Variants in RASEF observed in about 807,000 individuals in gnomAD.
The protein encoded by RASEF is ras and EF-hand domain-containing protein.
RASEF carries 68 observed loss-of-function variants against 90.1 expected under a neutral mutation model. The observed-to-expected ratio is 0.75, with a 90% CI of 0.62 to 0.92. The LOEUF (loss-of-function observed/expected upper bound fraction) is 0.92. RASEF is among the 40% of genes least tolerant of loss of function. The probability of loss-of-function intolerance (pLI) is 0.00; values close to 1 mark genes in which losing one functional copy is unlikely to be tolerated. For missense variants in RASEF, 949 were observed against 937.2 expected, an observed-to-expected ratio of 1.01 and a Z score of -0.16; for synonymous variants, 331 against 345.2, an observed-to-expected ratio of 0.96 and a Z score of 0.46.
the RASEF span, among the ~76,000 whole-genome samples, chr9:83,088,577 GCTT>G: frequency 3.3e-5 from 5 of 151,950 alleles, no homozygotes; most frequent in African/African-American, 1.2e-4. Context: ...TGTCAAATAA[GCTT>G]CATGTATTTT....
In RASEF at chr9:83,052,881, T is replaced by C. The variant is rs968550014; in HGVS notation, c.431+9556A>G. Reference sequence around the variant, plus strand: ...GAGTGAGATTCTTAATCCTGAGTTCTAGTTTGATTGCACTGTGGTCAAAGA... The same window carrying C: ...GAGTGAGATTCTTAATCCTGAGTTCCAGTTTGATTGCACTGTGGTCAAAGA... On this transcript the variant is annotated intron_variant, in intron 1 of 16. Transcript: ENST00000376447. Among the ~76,000 whole-genome samples the C allele has an allele frequency of 2.6e-4, 39 of 148,606 alleles. 1 individual carries two copies. The highest frequency in any genetic ancestry group is 4.0e-4 in the Admixed American group (6 of 15,036).
chr9:82,991,447 T>G (rs1252785314), intron 15 of RASEF, among the ~76,000 whole-genome samples: 2 of 152,190 alleles, frequency 1.3e-5, no homozygotes, highest in African/African-American at 4.8e-5. Context: ...TGGAGACATT[T>G]TCTCTTAATA....
Position 83,062,509 on chromosome 9 carries a change from C to A in RASEF, c.359G>T (p.Gly120Val). 6.2e-7 allele frequency: 1 copy of A among 1,611,044 alleles called. No individual in the cohort carries two copies. Among genetic ancestry groups the A allele is most frequent in the Non-Finnish European group, 8.5e-7 (1 of 1,179,088 alleles). The change falls in exon 1 of 17, where the codon GGC becomes GTC. Residue 120 changes from glycine to valine, a missense_variant. Around this residue, in one of 3 missense-constraint regions of RASEF, gnomAD observed 656 missense variants for 592.2 expected, o/e 1.11. Transcript: ENST00000376447. ...DAAAALATSCGPASPGRAWQD... is the reference protein window; with the variant it reads ...DAAAALATSCVPASPGRAWQD... ...CCAAGCCCGGCCGGGACTCGCCGGG[C>A]CGCACGAGGTGGCCAGCGCCGCCGC...
chr9:83,209,331 G>C, the RASEF span, among the ~76,000 whole-genome samples: 1 of 152,264 alleles, frequency 6.6e-6, no homozygotes, highest in African/African-American at 2.4e-5. Flanking sequence ...GCTCGTGAGA[G>C]CTTTAGGCCA....
chr9:83,157,401 T>C, the RASEF span, among the ~76,000 whole-genome samples: 18 of 152,318 alleles, frequency 1.2e-4, no homozygotes, highest in African/African-American at 4.1e-4. Flanking sequence ...AGTTGGTTTG[T>C]TACTGTAGGG....
At chr9:83,069,929 G>T in the RASEF span, among the ~76,000 whole-genome samples, 1 of 152,120 alleles carries the variant, frequency 6.6e-6, no homozygotes, top group African/African-American at 2.4e-5. Flanking sequence ...CTTTTCATAT[G>T]TCTATCAACC....
chr9:83,025,923 T>C lies in RASEF; in HGVS notation c.432-2A>G, dbSNP rs746048653. On this transcript the variant is annotated splice_acceptor_variant, in intron 1 of 16. Coordinates refer to ENST00000376447, the MANE Select transcript of RASEF (RefSeq NM_152573.4). LOFTEE classifies it high-confidence loss of function. Reference sequence around the variant, plus strand: ...TACAAGGTACTAACTTGCTCTTCTCTGCCAAATAAATAAATAAAAATTAAA... The same window carrying C: ...TACAAGGTACTAACTTGCTCTTCTCCGCCAAATAAATAAATAAAAATTAAA... The C allele has an allele frequency of 6.4e-7, 1 of 1,565,158 alleles. No homozygotes were observed. Among genetic ancestry groups the C allele is most frequent in the South Asian group, 1.2e-5 (1 of 80,918 alleles).
chr9:83,036,005 C>A lies in RASEF; in HGVS notation c.432-10084G>T, dbSNP rs557894193. ...TTATTAACAGTTGCATTAAAACAAT[C>A]CAGGGTGAATTTGTTGTATCTCCAC... On this transcript the variant is annotated intron_variant, in intron 1 of 16. Coordinates refer to ENST00000376447, the MANE Select transcript of RASEF (RefSeq NM_152573.4). Among the ~76,000 whole-genome samples, 6 of 152,286 alleles carry A rather than the reference C, an allele frequency of 3.9e-5. No homozygotes were observed. In the South Asian group the frequency reaches 1.2e-3, roughly 32 times the overall value.
the RASEF span, among the ~76,000 whole-genome samples, chr9:83,108,566 G>A: frequency 6.6e-6 from 1 of 152,172 alleles, no homozygotes; most frequent in South Asian, 2.1e-4. Flanking sequence ...AAGGCTAAGA[G>A]ATTATCTCCC....
intron 15 of RASEF, among the ~76,000 whole-genome samples, chr9:82,992,143 C>A (rs1002104867): frequency 6.6e-6 from 1 of 152,168 alleles, no homozygotes; most frequent in Non-Finnish European, 1.5e-5. Flanking sequence ...AGTTCACATA[C>A]GTATGCTACA....
chr9:83,144,451 A>G, the RASEF span, among the ~76,000 whole-genome samples: 57 of 147,408 alleles, frequency 3.9e-4, no homozygotes, highest in Middle Eastern at 3.5e-3. Flanking sequence ...AAAAAAGAAA[A>G]GAAAAGAGAA....
the RASEF span, among the ~76,000 whole-genome samples, chr9:83,131,736 T>G: frequency 6.6e-6 from 1 of 152,182 alleles, no homozygotes; most frequent in East Asian, 1.9e-4. Flanking sequence ...CTCTGATCCA[T>G]GAAAACTAAA....
At chr9:83,217,637 C>T in the RASEF span, among the ~76,000 whole-genome samples, 28 of 152,306 alleles carry the variant, frequency 1.8e-4, no homozygotes, top group Admixed American at 5.2e-4. Flanking sequence ...GCTCCTCCTT[C>T]GCCTTCCGCC....
chr9:83,216,847 A>T, the RASEF span, among the ~76,000 whole-genome samples: 6 of 152,024 alleles, frequency 3.9e-5, no homozygotes, highest in African/African-American at 1.2e-4. Context: ...GCCCCATGTA[A>T]GTCTGAAATT....
At chr9:83,207,768 C>T in the RASEF span, among the ~76,000 whole-genome samples, 6 of 152,202 alleles carry the variant, frequency 3.9e-5, no homozygotes, top group East Asian at 1.9e-4. Context: ...CCCCCACACT[C>T]GGCTAATTTT....
the RASEF span, among the ~76,000 whole-genome samples, chr9:83,147,212 T>C: frequency 6.6e-6 from 1 of 152,216 alleles, no homozygotes; most frequent in African/African-American, 2.4e-5. Flanking sequence ...CTGATATTTT[T>C]AGAGTGCTTT....
chr9:83,176,767 C>T, the RASEF span, among the ~76,000 whole-genome samples: 1 of 151,926 alleles, frequency 6.6e-6, no homozygotes, highest in Non-Finnish European at 1.5e-5. Context: ...AGCTCTATCA[C>T]CCTTTTCCCT....
At chr9:83,033,577 G>A (rs150781950) in intron 1 of RASEF, among the ~76,000 whole-genome samples, 3 of 152,306 alleles carry the variant, frequency 2.0e-5, no homozygotes, top group African/African-American at 4.8e-5. Flanking sequence ...GCACTGAAGG[G>A]GGTCGGCGGG....
chr9:83,078,213 C>T, the RASEF span, among the ~76,000 whole-genome samples: 1 of 152,168 alleles, frequency 6.6e-6, no homozygotes, highest in African/African-American at 2.4e-5. Flanking sequence ...TGACCTCATA[C>T]AATGGTTTGC....
Sources: gnomAD v4.1 joint callset for allele counts (sites outside exome capture counted in the v4.1 genomes callset) on GRCh38, gnomAD v4.1.1 for gene constraint, gnomAD v4.1.1 regional missense constraint, MANE v1.5 for transcripts, NCBI Gene and HGNC (gene_info 2026-07-23, HGNC 2026-07-21) for gene names.